SLC14A2: variants seen among roughly 807,000 people sequenced by gnomAD.
SLC14A2 encodes the protein urea transporter 2.
Under a neutral mutation model 104.6 loss-of-function variants are expected in SLC14A2, and 91 were observed. That is an observed-to-expected ratio of 0.87 (90% confidence interval 0.73 to 1.04). The LOEUF (loss-of-function observed/expected upper bound fraction) is 1.04, where lower values mean the gene tolerates loss of function less well. SLC14A2 is among the 50% of genes least tolerant of loss of function. The probability of loss-of-function intolerance (pLI) is 0.00; values close to 1 mark genes in which losing one functional copy is unlikely to be tolerated. For synonymous variants in SLC14A2, 476 were observed against 466.4 expected (o/e 1.02, Z -0.27); for missense variants, 1,189 against 1,156.0 (o/e 1.03, Z -0.41).
chr18:45,394,438 C>G (rs1388294347), intron 1 of SLC14A2, among the ~76,000 whole-genome samples: 1 of 151,958 alleles, frequency 6.6e-6, no homozygotes. Context: ...AAATTTGTAG[C>G]TTTCTTTGAA....
intron 1 of SLC14A2, among the ~76,000 whole-genome samples, chr18:45,353,193 GA>G (rs1274002694): frequency 6.6e-6 from 1 of 152,216 alleles, no homozygotes; most frequent in African/African-American, 2.4e-5. Flanking sequence ...CTCAAATATA[GA>G]AGTACGGAGT....
At chr18:45,298,909 T>G (rs900057418) in intron 1 of SLC14A2, among the ~76,000 whole-genome samples, 2 of 152,136 alleles carry the variant, frequency 1.3e-5, no homozygotes, top group African/African-American at 4.8e-5. Flanking sequence ...AAAATTTTTG[T>G]GTTTTTAAAG....
At chr18:45,242,316 C>T (rs1383082942) in intron 1 of SLC14A2, among the ~76,000 whole-genome samples, 11 of 152,052 alleles carry the variant, frequency 7.2e-5, no homozygotes, top group African/African-American at 2.4e-4. Context: ...TTATGCACCT[C>T]AAATGTTGTA....
At chr18:45,552,956 G>A (rs905709539) in intron 2 of SLC14A2, among the ~76,000 whole-genome samples, 4 of 152,182 alleles carry the variant, frequency 2.6e-5, no homozygotes, top group Non-Finnish European at 4.4e-5. Context: ...TATTTTAAAA[G>A]GATCATCCTG....
At chr18:45,613,205 T>G (rs2144458037), upstream of SLC14A2, among the ~76,000 whole-genome samples, 1 of 152,230 alleles carries the variant, frequency 6.6e-6, no homozygotes, top group East Asian at 1.9e-4. Flanking sequence ...CAGCTAATTT[T>G]TTGTATTTTT....
At chr18:45,222,621 G>A (rs192357909) in intron 1 of SLC14A2, among the ~76,000 whole-genome samples, 17 of 152,280 alleles carry the variant, frequency 1.1e-4, no homozygotes, top group Admixed American at 5.9e-4. Context: ...CCAGCTGGAT[G>A]GGGTGTGAAC....
At chr18:45,587,600 C>A (rs1465236736) in intron 2 of SLC14A2, among the ~76,000 whole-genome samples, 2 of 152,158 alleles carry the variant, frequency 1.3e-5, no homozygotes, top group Non-Finnish European at 2.9e-5. Context: ...AGATACAGAA[C>A]CTTTCAAGGC....
At chr18:45,565,421 C>T (rs1429498260) in intron 2 of SLC14A2, among the ~76,000 whole-genome samples, 1 of 152,030 alleles carries the variant, frequency 6.6e-6, no homozygotes, top group East Asian at 1.9e-4. Context: ...CCACCACACC[C>T]AGCCGCATGC....
chr18:45,484,248 A>G (rs1299590251), intron 2 of SLC14A2, among the ~76,000 whole-genome samples: 1 of 152,110 alleles, frequency 6.6e-6, no homozygotes. Context: ...TTCCTACCCA[A>G]CTTGGCCTAA....
At chr18:45,209,108 G>A (rs552333648), upstream of SLC14A2, among the ~76,000 whole-genome samples, 141 of 149,852 alleles carry the variant, frequency 9.4e-4, no homozygotes, top group Middle Eastern at 3.5e-3. Context: ...AGGCTGAGGC[G>A]GGCGGATCAT....
At chr18:45,452,040 A>T (rs2086866066) in intron 1 of SLC14A2, among the ~76,000 whole-genome samples, 1 of 151,414 alleles carries the variant, frequency 6.6e-6, no homozygotes, top group Admixed American at 6.6e-5. Flanking sequence ...TCAAATCAAA[A>T]ATATGGGGGG....
intron 1 of SLC14A2, among the ~76,000 whole-genome samples, chr18:45,389,515 C>T (rs1406600315): frequency 6.6e-6 from 1 of 152,144 alleles, no homozygotes; most frequent in Non-Finnish European, 1.5e-5. Flanking sequence ...CTTATAGTTA[C>T]TTCAGGATCC....
intron 1 of SLC14A2, among the ~76,000 whole-genome samples, chr18:45,287,152 G>A (rs1373689097): frequency 1.3e-5 from 2 of 152,214 alleles, no homozygotes; most frequent in Non-Finnish European, 2.9e-5. Flanking sequence ...GGAAGGTGTT[G>A]TGTGTTGTTC....
chr18:45,286,185 C>G (rs1207265852), intron 1 of SLC14A2, among the ~76,000 whole-genome samples: 1 of 152,210 alleles, frequency 6.6e-6, no homozygotes, highest in Admixed American at 6.5e-5. Context: ...CACTCAAGCT[C>G]TCACCTGGGA....
At chr18:45,443,433 C>T (rs1240149078) in intron 1 of SLC14A2, among the ~76,000 whole-genome samples, 1 of 152,236 alleles carries the variant, frequency 6.6e-6, no homozygotes, top group African/African-American at 2.4e-5. Flanking sequence ...TGTCTAGATT[C>T]TTCTTGGCCT....
At chr18:45,369,621 T>C (rs1015971755) in intron 1 of SLC14A2, among the ~76,000 whole-genome samples, 1 of 152,222 alleles carries the variant, frequency 6.6e-6, no homozygotes, top group African/African-American at 2.4e-5. Context: ...ATTTAATTTC[T>C]TTTAATAGTA....
At chr18:45,454,856 G>T (rs1026894067) in intron 1 of SLC14A2, among the ~76,000 whole-genome samples, 6 of 152,054 alleles carry the variant, frequency 3.9e-5, no homozygotes, top group African/African-American at 1.2e-4. Context: ...GTGTTCCATT[G>T]GTCTATATAT....
chr18:45,268,209 G>A (rs1247445923), intron 1 of SLC14A2, among the ~76,000 whole-genome samples: 3 of 151,958 alleles, frequency 2.0e-5, no homozygotes, highest in African/African-American at 7.2e-5. Flanking sequence ...CCAAGTACCC[G>A]ATAAATATGT....
At chr18:45,270,331 C>T (rs140341865) in intron 1 of SLC14A2, among the ~76,000 whole-genome samples, 2 of 152,182 alleles carry the variant, frequency 1.3e-5, no homozygotes, top group East Asian at 1.9e-4. Flanking sequence ...AAGATATTCT[C>T]CTGGGAAAAC....
Sources: allele counts gnomAD v4.1 joint callset (sites outside exome capture counted in the v4.1 genomes callset), GRCh38; gene constraint gnomAD v4.1.1; transcripts MANE v1.5; gene names NCBI Gene and HGNC (gene_info 2026-07-23, HGNC 2026-07-21).